MAP4K4: variants seen among roughly 807,000 people sequenced by gnomAD.
MAP4K4 encodes the protein HPK/GCK-like kinase HGK.
A neutral mutation model predicts 189.6 loss-of-function variants in MAP4K4; 38 were observed. That is an observed-to-expected ratio of 0.20 (90% CI 0.15 to 0.26). The LOEUF (loss-of-function observed/expected upper bound fraction) is 0.26. MAP4K4 is among the 10% of genes least tolerant of loss of function. MAP4K4 has a pLI of 1.00. For synonymous variants in MAP4K4, 610 were observed against 624.3 expected (o/e 0.98, Z 0.34); for missense variants, 1,054 against 1,726.9 (o/e 0.61, Z 6.91).
At chr2:101,858,306 C>T (rs188379285) in intron 13 of MAP4K4, among the ~76,000 whole-genome samples, 1 of 152,250 alleles carries the variant, frequency 6.6e-6, no homozygotes, top group Non-Finnish European at 1.5e-5. Flanking sequence ...TACTTGTTTT[C>T]ATTGTTATAA....
exon 33 of MAP4K4, chr2:101,892,417 A>G (rs1033712420): frequency 6.3e-6 from 1 of 157,606 alleles, no homozygotes; most frequent in African/African-American, 2.4e-5. Context: ...TAGAAACCAG[A>G]ATGCTTTGTT....
chr2:101,876,436 A>T (rs1233465951), intron 26 of MAP4K4, among the ~76,000 whole-genome samples: 1 of 152,228 alleles, frequency 6.6e-6, no homozygotes, highest in Non-Finnish European at 1.5e-5. Flanking sequence ...AAATGGAAGG[A>T]CAAGAGAACT....
chr2:101,859,132 G>A (rs373074885), intron 14 of MAP4K4, 50 bp downstream of exon 14: 66 of 1,529,886 alleles, frequency 4.3e-5, no homozygotes, highest in Non-Finnish European at 4.9e-5. Flanking sequence ...TCCTTCATCC[G>A]TCCCCAAAGT....
At chr2:101,775,225 A>T (rs975285981) in intron 2 of MAP4K4, among the ~76,000 whole-genome samples, 3 of 151,806 alleles carry the variant, frequency 2.0e-5, no homozygotes, top group Admixed American at 1.3e-4. Flanking sequence ...GCTGGCCTAT[A>T]TCCACAAAGA....
intron 3 of MAP4K4, among the ~76,000 whole-genome samples, chr2:101,813,481 T>G (rs997708688): frequency 1.3e-5 from 2 of 152,194 alleles, no homozygotes; most frequent in African/African-American, 4.8e-5. Flanking sequence ...TATTTCCAAT[T>G]TAATCACATA....
intron 5 of MAP4K4, 113 bp from the exon 6 acceptor site, chr2:101,829,391 T>G: frequency 2.9e-5 from 19 of 659,158 alleles, no homozygotes; most frequent in Non-Finnish European, 3.9e-5. Context: ...TTAATGTTCA[T>G]GAGCTCACAA....
rs545055807 is a variant in MAP4K4 at position 101,731,068 on chromosome 2, A to G, written c.123+32530A>G. Among the ~76,000 whole-genome samples the G allele has an allele frequency of 4.6e-5, 7 of 151,922 alleles. No individual in the cohort carries two copies. In the East Asian group the frequency reaches 1.4e-3, roughly 30 times the overall value. On this transcript the variant is annotated intron_variant, in intron 2 of 32. Coordinates refer to ENST00000324219, the Ensembl canonical transcript of MAP4K4. Reference sequence around the variant, plus strand: ...CAAAAAAAAAACCAAACAGTTGAATAGTATATATTTATATTGATTTGAATG... The same window carrying G: ...CAAAAAAAAAACCAAACAGTTGAATGGTATATATTTATATTGATTTGAATG...
chr2:101,834,855 AT>A (rs2096702091), intron 8 of MAP4K4, among the ~76,000 whole-genome samples: 1 of 152,212 alleles, frequency 6.6e-6, no homozygotes, highest in Non-Finnish European at 1.5e-5. Flanking sequence ...GCAAAACTTT[AT>A]TGATAGAATA....
intron 2 of MAP4K4, among the ~76,000 whole-genome samples, chr2:101,764,157 ATGAT>A (rs58762132): frequency 0.096 from 14,666 of 152,100 alleles, 1,990 homozygotes; most frequent in African/African-American, 0.31. Flanking sequence ...TGCTAAAAAA[ATGAT>A]TGTGCATGTA....
rs1559013830 is a variant in MAP4K4, at chr2:101,704,562, TA to T, written c.123+6025del. ...GTGTGTATATATATATATATATATATATATATTTTTTTTTTTTTTTTTTTTT... is the reference window on the plus strand; with the variant it reads ...GTGTGTATATATATATATATATATATTATATTTTTTTTTTTTTTTTTTTTT... On this transcript the variant is annotated intron_variant, in intron 2 of 32. Coordinates refer to ENST00000324219, the Ensembl canonical transcript of MAP4K4. 8.6e-3 allele frequency among the ~76,000 whole-genome samples: 640 copies of T among 74,330 alleles called. 9 individuals are homozygous for T. Among genetic ancestry groups the T allele is most frequent in the Non-Finnish European group, 9.8e-3 (395 of 40,200 alleles). 48.8% of individuals were successfully genotyped at this position (74,330 alleles called of 152,430 possible).
At chr2:101,858,186 G>A (rs76393611) in intron 13 of MAP4K4, among the ~76,000 whole-genome samples, 3,030 of 152,312 alleles carry the variant, frequency 0.02, 41 homozygotes, top group Non-Finnish European at 0.033. Flanking sequence ...CATAGAGCCA[G>A]TCCTCAGTGG....
At chr2:101,750,168 C>G (rs1306252800) in intron 2 of MAP4K4, among the ~76,000 whole-genome samples, 1 of 149,160 alleles carries the variant, frequency 6.7e-6, no homozygotes, top group Non-Finnish European at 1.5e-5. Flanking sequence ...GGGTATATAC[C>G]CAATGGACTA....
intron 2 of MAP4K4, among the ~76,000 whole-genome samples, chr2:101,761,072 C>G (rs1247566572): frequency 6.6e-6 from 1 of 152,102 alleles, no homozygotes; most frequent in Non-Finnish European, 1.5e-5. Flanking sequence ...AGATTGAATC[C>G]AAAGAACCAA....
chr2:101,874,463 G>T (rs990432030), intron 26 of MAP4K4, among the ~76,000 whole-genome samples: 3 of 152,190 alleles, frequency 2.0e-5, no homozygotes, highest in African/African-American at 7.2e-5. Context: ...ATATTGGCAT[G>T]ATTAATCTCC....
intron 15 of MAP4K4, 194 bp from the exon 16 acceptor site, chr2:101,860,627 CATAA>C: frequency 2.0e-6 from 1 of 505,954 alleles, no homozygotes; most frequent in East Asian, 3.2e-5. Flanking sequence ...TTTTTATCTT[CATAA>C]ATATTTTCTT....
intron 2 of MAP4K4, among the ~76,000 whole-genome samples, chr2:101,735,664 C>G (rs772031129): frequency 1.3e-5 from 2 of 152,100 alleles, no homozygotes; most frequent in Admixed American, 6.5e-5. Flanking sequence ...CAATCTGAAG[C>G]CTCAGGATGA....
chr2:101,818,628 A>G (rs2095858203), intron 3 of MAP4K4, among the ~76,000 whole-genome samples: 1 of 152,156 alleles, frequency 6.6e-6, no homozygotes, highest in Non-Finnish European at 1.5e-5. Context: ...CACTCATACC[A>G]TGCACTCCTG....
intron 23 of MAP4K4, 36 bp from the exon 24 acceptor site, chr2:101,871,458 G>A (rs1257512282): frequency 6.7e-7 from 1 of 1,496,026 alleles, no homozygotes; most frequent in Non-Finnish European, 8.9e-7. Context: ...TTTTAGCAGC[G>A]CTTGAGCGAG....
In MAP4K4 at chr2:101,785,128, C is replaced by T. The variant is rs376278298; in HGVS notation, c.124-5592C>T. On this transcript the variant is annotated intron_variant, in intron 2 of 32. Transcript: ENST00000324219. ...TGCACCCCTCTGGGCTATTTAGGGA[C>T]GAAGGCATTTGTTATTCCTAACTTC... 2.0e-3 allele frequency among the ~76,000 whole-genome samples: 309 copies of T among 152,228 alleles called. 3 individuals carry two copies. Among genetic ancestry groups the T allele is most frequent in the African/African-American group, 6.9e-3 (285 of 41,530 alleles).
Sources: gnomAD v4.1 joint callset for allele counts (sites outside exome capture counted in the v4.1 genomes callset) on GRCh38, gnomAD v4.1.1 for gene constraint, MANE v1.5 for transcripts, NCBI Gene and HGNC (gene_info 2026-07-23, HGNC 2026-07-21) for gene names.